Variants in MAP3K20 observed in about 807,000 individuals in gnomAD.
The protein encoded by MAP3K20 is mitogen-activated protein kinase kinase kinase 20, also known as HCCS-4.
A neutral mutation model predicts 85.7 loss-of-function variants in MAP3K20; 40 were observed. The observed-to-expected ratio is 0.47, with a 90% CI of 0.36 to 0.61. The LOEUF is 0.61. MAP3K20 is among the 20% of genes least tolerant of loss of function. MAP3K20 has a pLI of 0.00. For synonymous variants in MAP3K20, 325 were observed against 327.7 expected, an observed-to-expected ratio of 0.99 and a Z score of 0.09; for missense variants, 817 against 961.7, an observed-to-expected ratio of 0.85 and a Z score of 1.99.
intron 16 of MAP3K20, among the ~76,000 whole-genome samples, chr2:173,254,518 A>T (rs1437637101): frequency 6.6e-6 from 1 of 152,002 alleles, no homozygotes; most frequent in Non-Finnish European, 1.5e-5. Flanking sequence ...AAGGTTGCAG[A>T]TATGTAAGTA....
chr2:173,091,334 C>A, intron 2 of MAP3K20, 144 bp downstream of exon 2: 1 of 756,736 alleles, frequency 1.3e-6, no homozygotes, highest in Non-Finnish European at 2.0e-6. Context: ...AATTTCCATT[C>A]TGGGAGCCCC....
intron 2 of MAP3K20, among the ~76,000 whole-genome samples, chr2:173,100,356 A>G (rs1687603136): frequency 6.6e-6 from 1 of 152,210 alleles, no homozygotes; most frequent in Non-Finnish European, 1.5e-5. Flanking sequence ...AGGGAAGTTA[A>G]GCAGCCTGCC....
At chr2:173,197,396 T>C (rs1462857699) in intron 7 of MAP3K20, among the ~76,000 whole-genome samples, 1 of 152,218 alleles carries the variant, frequency 6.6e-6, no homozygotes, top group Non-Finnish European at 1.5e-5. Context: ...AAGTGTTTAT[T>C]ACATCTTAGA....
rs998483702 is a variant in MAP3K20 at position 173,227,057 on chromosome 2, T to C, written c.988-2632T>C. On this transcript the variant is annotated intron_variant, in intron 11 of 19. Transcript: ENST00000375213. ...TCCACAGTGTATTCAGAAATCCAAGTTGGTGTCATACATTTCATTTTGATG... is the reference window on the plus strand; with the variant it reads ...TCCACAGTGTATTCAGAAATCCAAGCTGGTGTCATACATTTCATTTTGATG... 5.0e-5 allele frequency: 49 copies of C among 985,782 alleles called. 1 individual carries two copies. Among genetic ancestry groups the C allele is most frequent in the Non-Finnish European group, 2.9e-5 (24 of 829,938 alleles). 61.1% of individuals were successfully genotyped at this position (985,782 alleles called of 1,614,324 possible). A position where few individuals can be genotyped will look rare whatever the true frequency, so the allele number is the denominator to read the frequency against.
intron 2 of MAP3K20, among the ~76,000 whole-genome samples, chr2:173,130,052 T>G (rs1212888292): frequency 1.3e-5 from 2 of 152,252 alleles, no homozygotes; most frequent in African/African-American, 4.8e-5. Flanking sequence ...CAGAATTGCA[T>G]TATGCGTCAA....
At chr2:173,234,451 G>A (rs1327457870) in intron 14 of MAP3K20, among the ~76,000 whole-genome samples, 1 of 152,162 alleles carries the variant, frequency 6.6e-6, no homozygotes, top group South Asian at 2.1e-4. Context: ...AAGATTAAAC[G>A]TGCACACAGC....
rs1685418635 is a variant in MAP3K20, at chr2:173,266,251, G to A, written c.1904G>A (p.Ser635Asn). The A allele has an allele frequency of 6.2e-7, 1 of 1,613,968 alleles. No individual in the cohort carries two copies. The highest frequency in any genetic ancestry group is 1.1e-5 in the South Asian group (1 of 91,084). Residue 635 changes from serine (S) to asparagine (N), a missense_variant, in exon 20 of 20, where the codon AGC (serine) becomes AAC (asparagine). By Grantham distance (46) the Ser-to-Asn change is conservative (BLOSUM62 1). Transcript: ENST00000375213. ...QQITPVNQSR[S>N]SSPTQYGLTK... Reference sequence around the variant, plus strand: ...ATTACACCTGTGAACCAGTCCAGAAGCTCGTCTCCTACTCAGTATGGACTG... The same window carrying A: ...ATTACACCTGTGAACCAGTCCAGAAACTCGTCTCCTACTCAGTATGGACTG...
At chr2:173,245,479 A>G (rs1295213589) in intron 16 of MAP3K20, among the ~76,000 whole-genome samples, 1 of 152,198 alleles carries the variant, frequency 6.6e-6, no homozygotes, top group African/African-American at 2.4e-5. Context: ...TGCTTACAAG[A>G]ATTCTCCCAC....
chr2:173,224,303 A>T lies in MAP3K20; in HGVS notation c.988-5386A>T, dbSNP rs1188338758. On this transcript the variant is annotated intron_variant, in intron 11 of 19. Transcript: ENST00000375213. ...CCCTGCACTTTATGTAAGAATGTAA[A>T]CCTGGAGTCTCATTTAAGAATGATC... is the stretch of plus-strand genomic sequence containing the variant. 5.1e-6 allele frequency: 5 copies of T among 985,260 alleles called. No individual in the cohort carries two copies. The African/African-American group carries it at 7.0e-5, about 14-fold the overall frequency. The allele number at this position is 985,260 out of a possible 1,614,324, so 61.0% of individuals were successfully genotyped here.
chr2:173,100,047 A>G (rs1687592146), intron 2 of MAP3K20, among the ~76,000 whole-genome samples: 1 of 152,266 alleles, frequency 6.6e-6, no homozygotes, highest in Non-Finnish European at 1.5e-5. Context: ...GCTGATATCT[A>G]GGCCTCATGC....
At chr2:173,143,895 A>T (rs13017210) in intron 2 of MAP3K20, among the ~76,000 whole-genome samples, 43,800 of 152,056 alleles carry the variant, frequency 0.29, 7,718 homozygotes, top group Non-Finnish European at 0.39. Context: ...GTAAAAAAAA[A>T]TTATTTACAT....
intron 2 of MAP3K20, among the ~76,000 whole-genome samples, chr2:173,163,331 T>C (rs939992362): frequency 2.6e-5 from 4 of 152,232 alleles, no homozygotes; most frequent in Non-Finnish European, 4.4e-5. Context: ...TTTGTGTCCA[T>C]GTGTACTTAG....
chr2:173,202,432 C>T (rs1208459640), intron 8 of MAP3K20, among the ~76,000 whole-genome samples: 1 of 152,098 alleles, frequency 6.6e-6, no homozygotes, highest in Non-Finnish European at 1.5e-5. Context: ...TTTTTATTTG[C>T]AAAACTTCTT....
intron 9 of MAP3K20, among the ~76,000 whole-genome samples, chr2:173,204,128 A>T (rs943031441): frequency 2.0e-5 from 3 of 152,150 alleles, no homozygotes; most frequent in African/African-American, 2.4e-5. Context: ...TTTTGTTTTT[A>T]ATTTTTAGTA....
chr2:173,254,433 CAAAAAAAA>C (rs755879153), intron 16 of MAP3K20, among the ~76,000 whole-genome samples: 1 of 65,998 alleles, frequency 1.5e-5, no homozygotes. Context: ...GACTTCGTCT[CAAAAAAAA>C]AAAAAAAAAA....
intron 18 of MAP3K20, 70 bp downstream of exon 18, chr2:173,261,207 A>C (rs549796819): frequency 1.3e-4 from 187 of 1,493,696 alleles, no homozygotes; most frequent in East Asian, 2.3e-4. Flanking sequence ...CTGTTATCTC[A>C]GAGCATATAA....
At chr2:173,188,124 A>G (rs1300134297) in intron 5 of MAP3K20, among the ~76,000 whole-genome samples, 1 of 150,274 alleles carries the variant, frequency 6.7e-6, no homozygotes, top group Non-Finnish European at 1.5e-5. Flanking sequence ...AATGAGCCAC[A>G]TGATTGGAAG....
rs1690638492 is a variant in MAP3K20, at chr2:173,191,184, T to C, written c.582+7T>C. On this transcript the variant is annotated splice_region_variant and intron_variant, in intron 7 of 19. Transcript: ENST00000375213. ...CACATATTCCTATGGTGTGGTGAGTTCATTTCTCATTTCTTGTTTACTAAG... is the reference window on the plus strand; with the variant it reads ...CACATATTCCTATGGTGTGGTGAGTCCATTTCTCATTTCTTGTTTACTAAG... 6.2e-7 allele frequency: 1 copy of C among 1,611,012 alleles called. No homozygotes were observed. The highest frequency in any genetic ancestry group is 8.5e-7 in the Non-Finnish European group (1 of 1,179,198).
intron 2 of MAP3K20, among the ~76,000 whole-genome samples, chr2:173,128,351 C>G (rs867518950): frequency 2.4e-5 from 2 of 85,070 alleles, no homozygotes; most frequent in Non-Finnish European, 4.7e-5. Flanking sequence ...TTATTTATTT[C>G]AGATAGAGTC....
Sources: allele counts gnomAD v4.1 joint callset (sites outside exome capture counted in the v4.1 genomes callset), GRCh38; gene constraint gnomAD v4.1.1; transcripts MANE v1.5; gene names NCBI Gene and HGNC (gene_info 2026-07-23, HGNC 2026-07-21).